The following DCAF6 variants were observed in gnomAD, a reference collection of about 807,000 sequenced individuals.
The protein encoded by DCAF6 is DDB1 and CUL4 associated factor 6, also known as DDB1- and CUL4-associated factor 6.
In DCAF6, 54 loss-of-function variants were observed where a neutral mutation model predicts 125.1. The observed-to-expected ratio is 0.43, with a 90% CI of 0.35 to 0.54. The LOEUF is 0.54. Ranked by LOEUF, DCAF6 falls within the 20% of genes least tolerant of loss-of-function variation. DCAF6 has a pLI of 0.01. For synonymous variants in DCAF6, 371 were observed against 390.4 expected (o/e 0.95, Z 0.58); for missense variants, 934 against 1,161.7 (o/e 0.80, Z 2.85).
At chr1:167,911,196 G>A in the DCAF6 span, among the ~76,000 whole-genome samples, 1 of 152,244 alleles carries the variant, frequency 6.6e-6, no homozygotes. Flanking sequence ...CTATCTACCT[G>A]TGAGGGTAGA....
intron 12 of DCAF6, among the ~76,000 whole-genome samples, chr1:168,030,843 G>C (rs1324721624): frequency 6.6e-6 from 1 of 152,222 alleles, no homozygotes; most frequent in Non-Finnish European, 1.5e-5. Flanking sequence ...GGGAGGTACT[G>C]TTGGAGATTA....
intron 10 of DCAF6, among the ~76,000 whole-genome samples, chr1:168,007,085 C>T (rs1307773867): frequency 6.6e-6 from 1 of 152,186 alleles, no homozygotes; most frequent in Admixed American, 6.5e-5. Context: ...ATCCCCGCCC[C>T]ACTTCCAGAT....
At chr1:167,945,962 T>TTTG (rs1673012199) in intron 1 of DCAF6, among the ~76,000 whole-genome samples, 3 of 150,712 alleles carry the variant, frequency 2.0e-5, no homozygotes, top group African/African-American at 7.3e-5. Context: ...AGGGTTTTTT[T>TTTG]TTTTTTTTTT....
In DCAF6 at chr1:168,023,100, T is replaced by C. The variant is rs150007823; in HGVS notation, c.1609+53T>C. 2.5e-5 allele frequency: 39 copies of C among 1,544,962 alleles called. No homozygotes were observed. The African/African-American group carries it at 4.1e-4, about 16-fold the overall frequency. ...CCATCCATCCATAGCTTTATTGCAA[T>C]GCATATACTAAGCTCTCTCACACCT... On this transcript the variant is annotated intron_variant, in intron 12 of 21. Transcript: ENST00000367840.
the DCAF6 span, chr1:167,903,908 G>A: frequency 6.2e-7 from 1 of 1,612,212 alleles, no homozygotes; most frequent in Non-Finnish European, 8.5e-7. Context: ...GCACTTATGT[G>A]GTAGTTGAGG....
In DCAF6 at chr1:168,038,200, TAA is replaced by T. The variant is rs1348632558; in HGVS notation, c.1610-168_1610-167del. Among the ~76,000 whole-genome samples, 4 of 152,074 alleles carry T rather than the reference TAA, an allele frequency of 2.6e-5. No homozygotes were observed. The South Asian group carries it at 6.2e-4, about 24-fold the overall frequency. The stretch of plus-strand genomic sequence containing the variant: ...CTTGATGTAGTGCTACTTTGAAATA[TAA>T]AAGAGTATTTCCACAACACATGCCT... On this transcript the variant is annotated intron_variant, in intron 12 of 21. Transcript: ENST00000367840.
At chr1:168,054,950 G>A (rs1690438293) in intron 17 of DCAF6, among the ~76,000 whole-genome samples, 1 of 151,802 alleles carries the variant, frequency 6.6e-6, no homozygotes, top group Admixed American at 6.6e-5. Flanking sequence ...CCAAGTAGCT[G>A]GGGCTACAGG....
intron 16 of DCAF6, among the ~76,000 whole-genome samples, chr1:168,046,575 A>T (rs576020397): frequency 6.6e-6 from 1 of 152,276 alleles, no homozygotes; most frequent in African/African-American, 2.4e-5. Flanking sequence ...TTAATCAAAC[A>T]TCTTCTCTTT....
At chr1:167,984,805 T>G (rs1679706738) in intron 4 of DCAF6, among the ~76,000 whole-genome samples, 1 of 152,214 alleles carries the variant, frequency 6.6e-6, no homozygotes, top group African/African-American at 2.4e-5. Context: ...CAAAGGACAT[T>G]AATAGATTGA....
At chr1:167,902,419 G>T in the DCAF6 span, among the ~76,000 whole-genome samples, 1 of 152,188 alleles carries the variant, frequency 6.6e-6, no homozygotes, top group Non-Finnish European at 1.5e-5. Flanking sequence ...GTGTAAGCAT[G>T]GGTGGGTGGA....
intron 7 of DCAF6, among the ~76,000 whole-genome samples, chr1:167,996,120 T>A (rs1450139807): frequency 6.6e-6 from 1 of 152,198 alleles, no homozygotes; most frequent in Non-Finnish European, 1.5e-5. Flanking sequence ...CCATAATATT[T>A]TTGTATTTTC....
chr1:168,064,605 CATT>C (rs893275095), intron 18 of DCAF6, among the ~76,000 whole-genome samples: 2 of 152,080 alleles, frequency 1.3e-5, no homozygotes, highest in African/African-American at 4.8e-5. Context: ...AAAGGTTACT[CATT>C]ATTAATAGAA....
chr1:167,921,077 T>C, the DCAF6 span, among the ~76,000 whole-genome samples: 2 of 152,192 alleles, frequency 1.3e-5, no homozygotes, highest in East Asian at 1.9e-4. Context: ...AATGTTATCA[T>C]TTTTAAATTA....
chr1:167,863,710 C>T, the DCAF6 span, among the ~76,000 whole-genome samples: 1 of 152,218 alleles, frequency 6.6e-6, no homozygotes, highest in Non-Finnish European at 1.5e-5. Flanking sequence ...TGAGAGCTCT[C>T]CTGGGTAGGC....
chr1:168,027,047 AG>A (rs1686426708), intron 12 of DCAF6, among the ~76,000 whole-genome samples: 1 of 152,154 alleles, frequency 6.6e-6, no homozygotes, highest in African/African-American at 2.4e-5. Flanking sequence ...AAGGAGGGAC[AG>A]GTTAGTAATG....
the DCAF6 span, among the ~76,000 whole-genome samples, chr1:167,882,251 G>A: frequency 1.2e-4 from 18 of 152,244 alleles, no homozygotes; most frequent in East Asian, 2.3e-3. Flanking sequence ...TTGGGAGGCC[G>A]AGGCAGGTGG....
At chr1:167,933,767 C>T (rs1670981898), upstream of DCAF6, among the ~76,000 whole-genome samples, 1 of 152,162 alleles carries the variant, frequency 6.6e-6, no homozygotes, top group East Asian at 1.9e-4. Flanking sequence ...TTTTCAAGCT[C>T]CTCCATTTCT....
intron 1 of DCAF6, among the ~76,000 whole-genome samples, chr1:167,939,939 AT>A (rs1372963621): frequency 6.6e-6 from 1 of 152,138 alleles, no homozygotes; most frequent in Non-Finnish European, 1.5e-5. Flanking sequence ...TTTCTGATAC[AT>A]TTTCATTATT....
At chr1:167,866,710 C>G in the DCAF6 span, among the ~76,000 whole-genome samples, 1 of 148,474 alleles carries the variant, frequency 6.7e-6, no homozygotes, top group Non-Finnish European at 1.5e-5. Context: ...AATCTTGTGG[C>G]CTTAGACAGT....
Sources: gnomAD v4.1 joint callset for allele counts (sites outside exome capture counted in the v4.1 genomes callset) on GRCh38, gnomAD v4.1.1 for gene constraint, MANE v1.5 for transcripts, NCBI Gene and HGNC (gene_info 2026-07-23, HGNC 2026-07-21) for gene names.